The following CREG2 variants were observed in gnomAD, a reference collection of about 807,000 sequenced individuals.
CREG2 encodes protein CREG2.
Under a neutral mutation model 26.2 loss-of-function variants are expected in CREG2, and 24 were observed. The ratio of observed to expected loss-of-function variants is 0.92; its 90% CI spans 0.66 to 1.29. The LOEUF (loss-of-function observed/expected upper bound fraction) is 1.29, where lower values mean the gene tolerates loss of function less well. Ranked by LOEUF, CREG2 falls within the 50% of genes most tolerant of loss-of-function variation. The pLI, the probability that CREG2 is intolerant of heterozygous loss-of-function variation, is 0.00. For synonymous variants in CREG2, 174 were observed against 169.2 expected, an observed-to-expected ratio of 1.03 and a Z score of -0.22; for missense variants, 366 against 398.6, an observed-to-expected ratio of 0.92 and a Z score of 0.70.
intron 2 of CREG2, chr2:101,382,381 G>A: frequency 1.8e-6 from 1 of 554,906 alleles, no homozygotes; most frequent in Non-Finnish European, 2.3e-6. Context: ...AACCGAGATT[G>A]CGCCACTGCA....
In CREG2 at chr2:101,355,352, T is replaced by C. The variant is rs763655770; in HGVS notation, c.626A>G (p.Asp209Gly). The change falls in exon 3 of 4, where the codon GAT becomes GGT. Residue 209 changes from aspartate to glycine, a missense_variant. Transcript: ENST00000324768. ...CTGGACACATCGGGGATCTTCCGGA[T>C]CAACGATGTTTTTTCTGCATGTGAA... is the stretch of plus-strand genomic sequence containing the variant. ...EGEFCRKNIV[D>G]PEDPRCVQLT... 6.2e-7 allele frequency: 1 copy of C among 1,613,126 alleles called. No individual in the cohort carries two copies. The highest frequency in any genetic ancestry group is 8.5e-7 in the Non-Finnish European group (1 of 1,179,080).
At chr2:101,381,825 T>C (rs1684879011) in intron 2 of CREG2, among the ~76,000 whole-genome samples, 2 of 152,180 alleles carry the variant, frequency 1.3e-5, no homozygotes, top group Non-Finnish European at 2.9e-5. Flanking sequence ...GTGTCCTACA[T>C]GTGGCCTGTC....
chr2:101,385,612 A>G (rs1684957809), intron 1 of CREG2, among the ~76,000 whole-genome samples: 2 of 152,326 alleles, frequency 1.3e-5, no homozygotes, highest in Admixed American at 1.3e-4. Flanking sequence ...TTTGTCCTTG[A>G]AATGTTGCAT....
Position 101,387,107 on chromosome 2 carries a change from G to A in CREG2, c.351C>T (p.Pro117=). 8.0e-7 allele frequency: 1 copy of A among 1,243,568 alleles called. No homozygotes were observed. The highest frequency in any genetic ancestry group is 3.2e-5 in the East Asian group (1 of 31,696). The allele number at this position is 1,243,568 out of a possible 1,614,324, so 77.0% of individuals were successfully genotyped here. ...TGGCGGCGCGCAGTCTAGGGCCCGG[G>A]GGCGCACTGGCCGTCTGGCCGCCCT... ...RREGGQTASA[P]PGPRLRAATA... The change falls in exon 1 of 4, where the codon CCC becomes CCT. Residue 117 remains proline, a synonymous_variant. Transcript: ENST00000324768. The surrounding 1 kb of genome is among the most constrained non-coding windows in gnomAD (Gnocchi z 4.7).
In CREG2 at chr2:101,366,072, G is replaced by A. The variant is rs547223157; in HGVS notation, c.612-10706C>T. ...AGAATATGACCATGCAAGTTTCTTC[G>A]AATGCCTCAGGGAAATCCACAATAG... On this transcript the variant is annotated intron_variant, in intron 2 of 3. Coordinates refer to ENST00000324768, the MANE Select transcript of CREG2 (RefSeq NM_153836.4). 6.6e-5 allele frequency among the ~76,000 whole-genome samples: 10 copies of A among 152,126 alleles called. No individual in the cohort carries two copies. The South Asian group carries it at 1.0e-3, about 16-fold the overall frequency.
chr2:101,372,633 T>C (rs1249643584), intron 2 of CREG2, among the ~76,000 whole-genome samples: 1 of 152,238 alleles, frequency 6.6e-6, no homozygotes, highest in Non-Finnish European at 1.5e-5. Flanking sequence ...ACAGAGAACA[T>C]GTGCAACTGG....
intron 3 of CREG2, among the ~76,000 whole-genome samples, chr2:101,353,005 A>C (rs1573300198): frequency 6.6e-6 from 1 of 152,246 alleles, no homozygotes; most frequent in African/African-American, 2.4e-5. Context: ...AAAGGGATCT[A>C]CATTATGTAG....
rs2104465243 is a variant in CREG2, at chr2:101,346,299, C to T, written c.*4624G>A. On this transcript the variant is annotated 3_prime_UTR_variant, in exon 4 of 4. Transcript: ENST00000324768. Reference sequence around the variant, plus strand: ...GGTGGTCTGGATAGACTTTAATTAGCTTATTCACTAAAACAGAATTATTTC... The same window carrying T: ...GGTGGTCTGGATAGACTTTAATTAGTTTATTCACTAAAACAGAATTATTTC... 1 of 152,214 alleles carries T rather than the reference C, an allele frequency of 6.6e-6. No homozygotes were observed. The highest frequency in any genetic ancestry group is 6.5e-5 in the Admixed American group (1 of 15,288). 9.4% of individuals were successfully genotyped at this position (152,214 alleles called of 1,614,324 possible).
chr2:101,377,238 T>C (rs1360027050), intron 2 of CREG2, among the ~76,000 whole-genome samples: 1 of 152,030 alleles, frequency 6.6e-6, no homozygotes, highest in East Asian at 1.9e-4. Context: ...ATAACAAAAA[T>C]GTATTCTACT....
chr2:101,379,969 T>TTCTACCTA (rs1684846424), intron 2 of CREG2, among the ~76,000 whole-genome samples: 1 of 147,742 alleles, frequency 6.8e-6, no homozygotes, highest in African/African-American at 2.5e-5. Context: ...GTGTGAAAGC[T>TTCTACCTA]TCTATCTATC....
At chr2:101,357,175 C>T (rs146248222) in intron 2 of CREG2, among the ~76,000 whole-genome samples, 1 of 151,864 alleles carries the variant, frequency 6.6e-6, no homozygotes, top group Non-Finnish European at 1.5e-5. Context: ...GCGTGAGCCA[C>T]TGTGCTCAGC....
At position 101,346,122 on chromosome 2, in the gene CREG2, A is replaced by G. The variant is rs1684301093; in HGVS notation, c.*4801T>C. The G allele has an allele frequency of 6.6e-6, 1 of 151,806 alleles. No individual in the cohort carries two copies. The highest frequency in any genetic ancestry group is 1.5e-5 in the Non-Finnish European group (1 of 67,978). The allele number at this position is 151,806 out of a possible 1,614,324, so 9.4% of individuals were successfully genotyped here. A position where few individuals can be genotyped will look rare whatever the true frequency, so the allele number is the denominator to read the frequency against. On this transcript the variant is annotated 3_prime_UTR_variant, in exon 4 of 4. Coordinates refer to ENST00000324768, the MANE Select transcript of CREG2 (RefSeq NM_153836.4). Reference sequence around the variant, plus strand: ...CCAAAGTGTTTGGATTACAGGCATGAGCTACCTTGCTCAGCCTAGAAATAC... The same window carrying G: ...CCAAAGTGTTTGGATTACAGGCATGGGCTACCTTGCTCAGCCTAGAAATAC...
chr2:101,371,229 C>A (rs1037883328), intron 2 of CREG2, among the ~76,000 whole-genome samples: 1 of 152,162 alleles, frequency 6.6e-6, no homozygotes, highest in Non-Finnish European at 1.5e-5. Flanking sequence ...CAGGAGGTGC[C>A]CCCTAGTCTA....
At chr2:101,358,321 C>A (rs1463860194) in intron 2 of CREG2, among the ~76,000 whole-genome samples, 1 of 152,132 alleles carries the variant, frequency 6.6e-6, no homozygotes, top group Non-Finnish European at 1.5e-5. Flanking sequence ...TGGGTATATC[C>A]CAGACTCCAC....
intron 2 of CREG2, among the ~76,000 whole-genome samples, chr2:101,367,887 A>G (rs1322035028): frequency 1.3e-5 from 2 of 152,218 alleles, no homozygotes; most frequent in Non-Finnish European, 2.9e-5. Context: ...CTGAAAAGGC[A>G]AGGAAACGGC....
In CREG2 at chr2:101,346,270, A is replaced by G. The variant is rs192077989; in HGVS notation, c.*4653T>C. The G allele has an allele frequency of 7.2e-5, 11 of 152,334 alleles. No homozygotes were observed. Among genetic ancestry groups the G allele is most frequent in the Admixed American group, 7.2e-4 (11 of 15,296 alleles). The allele number at this position is 152,334 out of a possible 1,614,324, so 9.4% of individuals were successfully genotyped here. A position where few individuals can be genotyped will look rare whatever the true frequency, so the allele number is the denominator to read the frequency against. ...ATATATATAGTCACTGTAAATAAAAACATGGTGGTCTGGATAGACTTTAAT... is the reference window on the plus strand; with the variant it reads ...ATATATATAGTCACTGTAAATAAAAGCATGGTGGTCTGGATAGACTTTAAT... On this transcript the variant is annotated 3_prime_UTR_variant, in exon 4 of 4. Coordinates refer to ENST00000324768, the MANE Select transcript of CREG2 (RefSeq NM_153836.4).
At chr2:101,356,271 C>T (rs546304427) in intron 2 of CREG2, among the ~76,000 whole-genome samples, 7 of 152,248 alleles carry the variant, frequency 4.6e-5, no homozygotes, top group Admixed American at 3.3e-4. Context: ...GATGTGGGGG[C>T]AGGGCAGGCC....
chr2:101,386,932 G>A (rs1175767264), intron 1 of CREG2, 85 bp downstream of exon 1: 3 of 1,201,338 alleles, frequency 2.5e-6, no homozygotes, highest in African/African-American at 3.1e-5. Flanking sequence ...TCTCAGTCCC[G>A]AGCGGTCGCG....
At chr2:101,364,528 C>T (rs991865199) in intron 2 of CREG2, among the ~76,000 whole-genome samples, 4 of 152,154 alleles carry the variant, frequency 2.6e-5, no homozygotes, top group Admixed American at 6.5e-5. Context: ...CGTGTGATTT[C>T]GTACTGTGTC....
Sources: gnomAD v4.1 joint callset for allele counts (sites outside exome capture counted in the v4.1 genomes callset) on GRCh38, gnomAD v4.1.1 for gene constraint, Gnocchi (gnomAD v3.1) non-coding constraint, MANE v1.5 for transcripts, NCBI Gene and HGNC (gene_info 2026-07-23, HGNC 2026-07-21) for gene names.